TFRC: variants seen among roughly 807,000 people sequenced by gnomAD.
The protein encoded by TFRC is transferrin receptor protein 1.
In TFRC, 35 loss-of-function variants were observed where a neutral mutation model predicts 85.8. That is an observed-to-expected ratio of 0.41 (90% confidence interval 0.31 to 0.54). The LOEUF is 0.54. Ranked by LOEUF, TFRC falls within the 20% of genes least tolerant of loss-of-function variation. TFRC has a pLI of 0.31. For missense variants in TFRC, 828 were observed against 921.5 expected (o/e 0.90, Z 1.31); for synonymous variants, 362 against 328.6 (o/e 1.10, Z -1.10).
intron 18 of TFRC, among the ~76,000 whole-genome samples, chr3:196,052,528 C>T (rs917293289): frequency 6.6e-6 from 1 of 151,988 alleles, no homozygotes; most frequent in Non-Finnish European, 1.5e-5. Flanking sequence ...GCAACCTCCA[C>T]CTCCCGGGTT....
chr3:196,077,058 T>C lies in TFRC; in HGVS notation c.36+6A>G, dbSNP rs758720702. On this transcript the variant is annotated splice_donor_region_variant and intron_variant, in intron 2 of 18. Transcript: ENST00000360110. ...AGACACAGAAATACAACTGAAAATA[T>C]CTTACCAAGTTAGAGAATGCTGATC... The C allele has an allele frequency of 8.7e-6, 14 of 1,613,538 alleles. No homozygotes were observed. The highest frequency in any genetic ancestry group is 3.3e-5 in the Admixed American group (2 of 59,946).
rs1716264819 is a variant in TFRC, at chr3:196,051,040, ACT to A, written c.*900_*901del. On this transcript the variant is annotated 3_prime_UTR_variant, in exon 19 of 19. Coordinates refer to ENST00000360110, the MANE Select transcript of TFRC (RefSeq NM_001128148.3). ...ATTAAAAAAACACCATTTATAGTGA[ACT>A]CTGTCACTGATAAATAAACAATAAA... is the stretch of plus-strand genomic sequence containing the variant. 1 of 208,946 alleles carries A rather than the reference ACT, an allele frequency of 4.8e-6. No individual in the cohort carries two copies. Among genetic ancestry groups the A allele is most frequent in the East Asian group, 7.3e-5 (1 of 13,736 alleles). The allele number at this position is 208,946 out of a possible 1,614,324, so 12.9% of individuals were successfully genotyped here.
At position 196,050,352 on chromosome 3, in the gene TFRC, G is replaced by A. The variant is rs2108630259; in HGVS notation, c.*1590C>T. On this transcript the variant is annotated 3_prime_UTR_variant, in exon 19 of 19. Coordinates refer to ENST00000360110, the MANE Select transcript of TFRC (RefSeq NM_001128148.3). ...TGAATTTACCCACCCAATGCTTAATGACCACAAAATGTTTCTGCAACTAAA... is the reference window on the plus strand; with the variant it reads ...TGAATTTACCCACCCAATGCTTAATAACCACAAAATGTTTCTGCAACTAAA... 1 of 217,096 alleles carries A rather than the reference G, an allele frequency of 4.6e-6. No individual in the cohort carries two copies. The highest frequency in any genetic ancestry group is 9.3e-6 in the Non-Finnish European group (1 of 107,798). 13.4% of individuals were successfully genotyped at this position (217,096 alleles called of 1,614,324 possible). A position where few individuals can be genotyped will look rare whatever the true frequency, so the allele number is the denominator to read the frequency against.
At position 196,057,747 on chromosome 3, in the gene TFRC, C is replaced by G. The variant is rs549266616; in HGVS notation, c.1677+537G>C. On this transcript the variant is annotated intron_variant, in intron 16 of 18. Coordinates refer to ENST00000360110, the MANE Select transcript of TFRC (RefSeq NM_001128148.3). ...AGTGAGCCATGATCGGGCCACTGCACCCCAGCCTGGGTGACAGAGCAAGTC... is the reference window on the plus strand; with the variant it reads ...AGTGAGCCATGATCGGGCCACTGCAGCCCAGCCTGGGTGACAGAGCAAGTC... 8.0e-5 allele frequency among the ~76,000 whole-genome samples: 12 copies of G among 149,960 alleles called. No individual in the cohort carries two copies. The South Asian group carries it at 2.5e-3, about 32-fold the overall frequency.
chr3:196,060,287 C>T (rs112878379), intron 13 of TFRC, 40 bp from the exon 14 acceptor site: 34 of 1,546,926 alleles, frequency 2.2e-5, no homozygotes, highest in African/African-American at 1.6e-4. Context: ...TTCTCCATTC[C>T]GATAATTTTC....
rs79872828 is a variant in TFRC, at chr3:196,051,321, G to C, written c.*621C>G. 1.8e-5 allele frequency: 4 copies of C among 220,084 alleles called. No individual in the cohort carries two copies. The highest frequency in any genetic ancestry group is 8.9e-5 in the African/African-American group (4 of 44,762). The allele number at this position is 220,084 out of a possible 1,614,324, so 13.6% of individuals were successfully genotyped here. A position where few individuals can be genotyped will look rare whatever the true frequency, so the allele number is the denominator to read the frequency against. On this transcript the variant is annotated 3_prime_UTR_variant, in exon 19 of 19. Transcript: ENST00000360110. ...GTCCCCTCTTTTCATAAATGACACTGAGGTTAACATATTAAGGCCTTATTC... is the reference window on the plus strand; with the variant it reads ...GTCCCCTCTTTTCATAAATGACACTCAGGTTAACATATTAAGGCCTTATTC...
intron 16 of TFRC, 69 bp from the exon 17 acceptor site, chr3:196,055,370 G>A (rs1028557065): frequency 1.4e-4 from 183 of 1,353,740 alleles, no homozygotes; most frequent in Non-Finnish European, 1.8e-4. Context: ...TTCTGGCTTC[G>A]CCATCGAGGT....
chr3:196,052,891 T>C (rs564911971), intron 18 of TFRC, among the ~76,000 whole-genome samples: 10 of 152,182 alleles, frequency 6.6e-5, no homozygotes, highest in African/African-American at 2.4e-4. Context: ...GGCAGGTGGA[T>C]CACTTGAGGT....
In TFRC at chr3:196,067,544, G is replaced by T. The variant is rs551976172; in HGVS notation, c.1014C>A (p.Ser338=). The T allele has an allele frequency of 5.9e-5, 95 of 1,613,928 alleles. 2 individuals are homozygous for T. The South Asian group carries it at 9.9e-4, about 17-fold the overall frequency. Residue 338 remains serine (S), a synonymous_variant, in exon 9 of 19, where the codon TCC becomes TCA. Coordinates refer to ENST00000360110, the MANE Select transcript of TFRC (RefSeq NM_001128148.3). ...GLPNIPVQTI[S]RAAAEKLFGN... ...CAAACAGCTTTTCTGCAGCAGCTCT[G>T]GAGATTGTCTGGACAGGTATATTAG... is the stretch of plus-strand genomic sequence containing the variant.
chr3:196,053,671 A>G, intron 17 of TFRC, 113 bp from the exon 18 acceptor site: 1 of 1,362,546 alleles, frequency 7.3e-7, no homozygotes, highest in Non-Finnish European at 1.0e-6. Flanking sequence ...ACTCGCAGAT[A>G]AGCTCAAGAC....
intron 6 of TFRC, 46 bp from the exon 7 acceptor site, chr3:196,069,614 A>AG (rs949579936): frequency 1.6e-6 from 2 of 1,227,742 alleles, no homozygotes. Context: ...GTATCGGAAC[A>AG]GCTCTAAAAT....
intron 10 of TFRC, 133 bp downstream of exon 10, chr3:196,065,308 CAG>C (rs1717624182): frequency 4.1e-6 from 2 of 490,040 alleles, no homozygotes; most frequent in Non-Finnish European, 7.1e-6. Context: ...AACTTTAGGA[CAG>C]ACAAGATTGA....
rs746321395 is a variant in TFRC at position 196,073,998 on chromosome 3, T to C, written c.366A>G (p.Leu122=). The part of the protein sequence containing the change: ...PGEDFPAARR[L]YWDDLKRKLS... ...ACTTTCTCTTCAGGTCATCCCAATA[T>C]AAGCGACGTGCTGCAGGGAAGTCCT... The change falls in exon 4 of 19, where the codon TTA becomes TTG. Residue 122 remains leucine (L), a synonymous_variant. Transcript: ENST00000360110. 9.9e-6 allele frequency: 16 copies of C among 1,614,086 alleles called. No homozygotes were observed. The highest frequency in any genetic ancestry group is 5.3e-5 in the African/African-American group (4 of 74,914).
At position 196,060,797 on chromosome 3, in the gene TFRC, C is replaced by CAAAAA. The variant is rs1173946134; in HGVS notation, c.1469-555_1469-551dup. On this transcript the variant is annotated intron_variant, in intron 13 of 18. Transcript: ENST00000360110. ...TGGGTGACAAAGCGAGACTCCATCT[C>CAAAAA]AAAAAAAAAAAAAAAAAAAAAAAAA... 5.3e-3 allele frequency among the ~76,000 whole-genome samples: 195 copies of CAAAAA among 36,926 alleles called. 32 individuals are homozygous for CAAAAA. Among genetic ancestry groups the CAAAAA allele is most frequent in the East Asian group, 0.017 (22 of 1,266 alleles). The allele number at this position is 36,926 out of a possible 152,430, so 24.2% of individuals were successfully genotyped here. A position where few individuals can be genotyped will look rare whatever the true frequency, so the allele number is the denominator to read the frequency against.
At chr3:196,072,572 T>G (rs1206216604) in intron 4 of TFRC, among the ~76,000 whole-genome samples, 22 of 152,198 alleles carry the variant, frequency 1.4e-4, no homozygotes, top group Non-Finnish European at 1.5e-5. Context: ...CCCATACTTC[T>G]TTCTATTTAC....
rs1577251679 is a variant in TFRC at position 196,074,847 on chromosome 3, C to A, written c.238+312G>T. Among the ~76,000 whole-genome samples, 4 of 147,964 alleles carry A rather than the reference C, an allele frequency of 2.7e-5. No individual in the cohort carries two copies. The Admixed American group carries it at 2.7e-4, about 10-fold the overall frequency. ...TGAGCCGAAATCACGCCACTGCACT[C>A]CAGCCTGAGCCACAGAGTGAGACTC... On this transcript the variant is annotated intron_variant, in intron 3 of 18. Transcript: ENST00000360110.
Position 196,074,002 on chromosome 3 carries a change from C to A in TFRC, c.362G>T (p.Arg121Leu). ...EPGEDFPAAR[R>L]LYWDDLKRKL... ...TCTCTTCAGGTCATCCCAATATAAG[C>A]GACGTGCTGCAGGGAAGTCCTCTCC... The change falls in exon 4 of 19, where the codon CGC becomes CTC. Residue 121 changes from arginine (R) to leucine (L), a missense_variant. By Grantham distance (102) the Arg-to-Leu change is moderately radical (BLOSUM62 -2). Transcript: ENST00000360110. 1 of 1,614,152 alleles carries A rather than the reference C, an allele frequency of 6.2e-7. No homozygotes were observed. Among genetic ancestry groups the A allele is most frequent in the East Asian group, 2.2e-5 (1 of 44,888 alleles).
intron 3 of TFRC, 100 bp downstream of exon 3, chr3:196,075,059 A>AT (rs1203793307): frequency 1.1e-5 from 8 of 698,080 alleles, no homozygotes; most frequent in African/African-American, 1.7e-5. Context: ...AAAAAAAAAA[A>AT]AAAAAAATAA....
chr3:196,062,428 G>C, intron 13 of TFRC, 154 bp downstream of exon 13: 1 of 664,072 alleles, frequency 1.5e-6, no homozygotes, highest in South Asian at 1.8e-5. Context: ...AGCTACTCAG[G>C]AGGCTAAGGC....
Sources: allele counts gnomAD v4.1 joint callset (sites outside exome capture counted in the v4.1 genomes callset), GRCh38; gene constraint gnomAD v4.1.1; transcripts MANE v1.5; gene names NCBI Gene and HGNC (gene_info 2026-07-23, HGNC 2026-07-21).